ARFGEF3: variants seen among roughly 807,000 people sequenced by gnomAD.
The protein encoded by ARFGEF3 is ARFGEF family member 3, also known as brefeldin A-inhibited guanine nucleotide-exchange protein 3.
Under a neutral mutation model 221.7 loss-of-function variants are expected in ARFGEF3, and 96 were observed. That is an observed-to-expected ratio of 0.43 (90% CI 0.37 to 0.51). The LOEUF (loss-of-function observed/expected upper bound fraction) is 0.51, where lower values mean the gene tolerates loss of function less well. Ranked by LOEUF, ARFGEF3 falls within the 20% of genes least tolerant of loss-of-function variation. The pLI is 0.00. For synonymous variants in ARFGEF3, 1,145 were observed against 1,126.8 expected (o/e 1.02, Z -0.32); for missense variants, 2,410 against 2,789.9 (o/e 0.86, Z 3.07).
chr6:138,317,935 A>T (rs142168669), intron 27 of ARFGEF3, among the ~76,000 whole-genome samples: 79 of 152,284 alleles, frequency 5.2e-4, no homozygotes, highest in African/African-American at 1.8e-3. Flanking sequence ...GACTTTTAGG[A>T]ATTTATTTCT....
chr6:138,327,566 T>C (rs1780149358), intron 31 of ARFGEF3, among the ~76,000 whole-genome samples: 1 of 152,224 alleles, frequency 6.6e-6, no homozygotes, highest in Non-Finnish European at 1.5e-5. Context: ...CTTAGTCACA[T>C]CTGCCATGCC....
intron 2 of ARFGEF3, among the ~76,000 whole-genome samples, chr6:138,205,217 T>C (rs187613746): frequency 6.6e-6 from 1 of 152,194 alleles, no homozygotes; most frequent in South Asian, 2.1e-4. Context: ...TGGTGAGTAA[T>C]GTGTAAATAT....
Position 138,162,216 on chromosome 6 carries a change from C to A in ARFGEF3, c.85+45C>A. ...TCGCCGCGGCGGGAGGGCCGCGCGG[C>A]CGGGGCTGAACCCGCGCCTCCGCGC... On this transcript the variant is annotated intron_variant, in intron 1 of 33. Coordinates refer to ENST00000251691, the MANE Select transcript of ARFGEF3 (RefSeq NM_020340.5). The surrounding 1 kb of genome is among the most constrained non-coding windows in gnomAD (Gnocchi z 4.7). 6.7e-7 allele frequency: 1 copy of A among 1,493,154 alleles called. No individual in the cohort carries two copies. Among genetic ancestry groups the A allele is most frequent in the Non-Finnish European group, 9.2e-7 (1 of 1,089,802 alleles). 92.5% of individuals were successfully genotyped at this position (1,493,154 alleles called of 1,614,324 possible). A position where few individuals can be genotyped will look rare whatever the true frequency, so the allele number is the denominator to read the frequency against.
At chr6:138,211,281 T>C (rs1254836555) in intron 4 of ARFGEF3, among the ~76,000 whole-genome samples, 1 of 152,224 alleles carries the variant, frequency 6.6e-6, no homozygotes, top group Non-Finnish European at 1.5e-5. Context: ...GGAGTAGGAA[T>C]GTGCAGCTTT....
In ARFGEF3 at chr6:138,341,989, T is replaced by A. The variant is rs1780438345; in HGVS notation, c.*5503T>A. 6.6e-6 allele frequency: 1 copy of A among 152,230 alleles called. No individual in the cohort carries two copies. Among genetic ancestry groups the A allele is most frequent in the South Asian group, 2.1e-4 (1 of 4,830 alleles). 9.4% of individuals were successfully genotyped at this position (152,230 alleles called of 1,614,324 possible). ...AGGAGAGAGTGGCTGACCACTTTAG[T>A]GACAAAACAGCACTCCACTGCTGGT... On this transcript the variant is annotated 3_prime_UTR_variant, in exon 34 of 34. Coordinates refer to ENST00000251691, the MANE Select transcript of ARFGEF3 (RefSeq NM_020340.5).
intron 2 of ARFGEF3, among the ~76,000 whole-genome samples, chr6:138,190,760 T>G (rs1263908743): frequency 2.0e-5 from 3 of 152,030 alleles, no homozygotes; most frequent in African/African-American, 7.3e-5. Flanking sequence ...ATGTGCTGGG[T>G]GGTTTGTGTG....
chr6:138,239,248 G>A (rs181590581), intron 6 of ARFGEF3, among the ~76,000 whole-genome samples: 1 of 152,256 alleles, frequency 6.6e-6, no homozygotes, highest in African/African-American at 2.4e-5. Flanking sequence ...CAAAATTGGT[G>A]TTTTGTGTTG....
chr6:138,298,999 G>A (rs1779577202), intron 22 of ARFGEF3, among the ~76,000 whole-genome samples: 1 of 151,952 alleles, frequency 6.6e-6, no homozygotes, highest in South Asian at 2.1e-4. Flanking sequence ...GGAGTTCAAG[G>A]CCAGCCTGAC....
chr6:138,277,097 G>A (rs1221092916), intron 12 of ARFGEF3, among the ~76,000 whole-genome samples: 2 of 152,192 alleles, frequency 1.3e-5, no homozygotes, highest in African/African-American at 4.8e-5. Flanking sequence ...TGTTGTGCAA[G>A]CATTTCCAGA....
chr6:138,229,904 C>T, intron 5 of ARFGEF3, 52 bp downstream of exon 5: 1 of 1,456,682 alleles, frequency 6.9e-7, no homozygotes, highest in Non-Finnish European at 9.6e-7. Context: ...TTATCTCTGA[C>T]TGGGATAAAT....
At chr6:138,326,874 T>C (rs1055808212) in intron 31 of ARFGEF3, among the ~76,000 whole-genome samples, 1 of 152,194 alleles carries the variant, frequency 6.6e-6, no homozygotes, top group African/African-American at 2.4e-5. Flanking sequence ...TGCCCATAAA[T>C]GATAAACTGG....
At chr6:138,264,828 A>G (rs1229948390) in intron 12 of ARFGEF3, among the ~76,000 whole-genome samples, 1 of 152,062 alleles carries the variant, frequency 6.6e-6, no homozygotes, top group Admixed American at 6.6e-5. Context: ...AGCTGACCAA[A>G]TTGTCCTTTT....
chr6:138,183,401 T>C (rs1196828925), intron 2 of ARFGEF3, among the ~76,000 whole-genome samples: 1 of 152,234 alleles, frequency 6.6e-6, no homozygotes, highest in Non-Finnish European at 1.5e-5. Context: ...AAGGTGTGCA[T>C]GCCCAGGCAT....
rs1250986314 is a variant in ARFGEF3 at position 138,241,576 on chromosome 6, C to T, written c.544-1376C>T. On this transcript the variant is annotated intron_variant, in intron 6 of 33. Transcript: ENST00000251691. ...CAGCCACAGGTGTGTCAGCAGCTCA[C>T]ACTTTTCCCGGGCGTGCCCTAAAGC... Among the ~76,000 whole-genome samples the T allele has an allele frequency of 3.3e-5, 5 of 152,202 alleles. No individual in the cohort carries two copies. In the East Asian group the frequency reaches 7.7e-4, roughly 23 times the overall value.
intron 2 of ARFGEF3, among the ~76,000 whole-genome samples, chr6:138,202,548 T>A (rs1027181436): frequency 7.9e-5 from 12 of 152,108 alleles, no homozygotes. Context: ...AGGCCTTGGA[T>A]ACAGATTATT....
intron 14 of ARFGEF3, among the ~76,000 whole-genome samples, chr6:138,282,686 A>T (rs957435939): frequency 6.6e-6 from 1 of 152,174 alleles, no homozygotes; most frequent in Non-Finnish European, 1.5e-5. Flanking sequence ...AAACTTGGGG[A>T]TCAGGATCAC....
At chr6:138,323,615 AAAAC>A (rs1372764740) in intron 29 of ARFGEF3, 52 bp from the exon 30 acceptor site, 5 of 1,558,292 alleles carry the variant, frequency 3.2e-6, no homozygotes, top group South Asian at 2.3e-5. Context: ...CCATCTGAAA[AAAAC>A]AAACAACAAC....
intron 2 of ARFGEF3, among the ~76,000 whole-genome samples, chr6:138,196,716 T>G (rs906783581): frequency 6.6e-6 from 1 of 152,232 alleles, no homozygotes; most frequent in Admixed American, 6.5e-5. Flanking sequence ...CCTTTAAACT[T>G]TTTAATTTTT....
At chr6:138,226,922 G>T (rs1330338997) in intron 4 of ARFGEF3, among the ~76,000 whole-genome samples, 1 of 152,182 alleles carries the variant, frequency 6.6e-6, no homozygotes, top group African/African-American at 2.4e-5. Flanking sequence ...GACACCATCA[G>T]CCCTGTAATT....
Sources: gnomAD v4.1 joint callset for allele counts (sites outside exome capture counted in the v4.1 genomes callset) on GRCh38, gnomAD v4.1.1 for gene constraint, Gnocchi (gnomAD v3.1) non-coding constraint, MANE v1.5 for transcripts, NCBI Gene and HGNC (gene_info 2026-07-23, HGNC 2026-07-21) for gene names.